Variants in TG observed in about 807,000 individuals in gnomAD.
TG encodes thyroid hormones.
TG carries 270 observed loss-of-function variants against 324.7 expected under a neutral mutation model. The ratio of observed to expected loss-of-function variants is 0.83; its 90% CI spans 0.75 to 0.92. The LOEUF is 0.92. TG is among the 40% of genes least tolerant of loss of function. The pLI is 0.00. For synonymous variants in TG, 1,401 were observed against 1,327.0 expected (o/e 1.06, Z -1.21); for missense variants, 3,591 against 3,456.4 (o/e 1.04, Z -0.98).
intron 37 of TG, among the ~76,000 whole-genome samples, chr8:133,014,947 A>C (rs1280480702): frequency 6.6e-6 from 1 of 152,096 alleles, no homozygotes; most frequent in East Asian, 1.9e-4. Flanking sequence ...GTGCAGTTGC[A>C]CAATCTCGGG....
chr8:132,960,524 C>T (rs927041888), intron 27 of TG, among the ~76,000 whole-genome samples: 1 of 152,170 alleles, frequency 6.6e-6, no homozygotes, highest in African/African-American at 2.4e-5. Context: ...TATTATTAAT[C>T]GGTTGAGTTG....
rs58739514 is a variant in TG at position 133,042,678 on chromosome 8, CTTTTTTTTTTTT to C, written c.7239+12675_7239+12686del. On this transcript the variant is annotated intron_variant, in intron 41 of 47. Transcript: ENST00000220616. ...GTGCACAATTCCTCTCATTCTGTGT[CTTTTTTTTTTTT>C]TTTTTTTTTTTTTTTTTTTGTGAGA... Among the ~76,000 whole-genome samples the C allele has an allele frequency of 1.8e-3, 103 of 56,772 alleles. 2 individuals carry two copies. Among genetic ancestry groups the C allele is most frequent in the South Asian group, 8.4e-3 (14 of 1,676 alleles). The allele number at this position is 56,772 out of a possible 152,430, so 37.2% of individuals were successfully genotyped here. A position where few individuals can be genotyped will look rare whatever the true frequency, so the allele number is the denominator to read the frequency against.
intron 41 of TG, among the ~76,000 whole-genome samples, chr8:133,042,403 G>A (rs539748987): frequency 2.0e-5 from 3 of 152,184 alleles, no homozygotes; most frequent in South Asian, 2.1e-4. Context: ...CCATATTTTA[G>A]AATTCATGTA....
chr8:132,869,867 A>G, intron 3 of TG, 41 bp downstream of exon 3: 1 of 1,576,686 alleles, frequency 6.3e-7, no homozygotes, highest in South Asian at 1.1e-5. Context: ...GGACCCTGCT[A>G]GGACAACTCA....
At chr8:133,034,650 T>C (rs1247007428) in intron 41 of TG, among the ~76,000 whole-genome samples, 1 of 152,104 alleles carries the variant, frequency 6.6e-6, no homozygotes, top group African/African-American at 2.4e-5. Flanking sequence ...AAAAGTTCAT[T>C]TTCTTTTTTC....
chr8:133,056,760 C>G lies in TG; in HGVS notation c.7239+26737C>G, dbSNP rs534022228. Among the ~76,000 whole-genome samples the G allele has an allele frequency of 3.9e-5, 6 of 152,280 alleles. No individual in the cohort carries two copies. In the South Asian group the frequency reaches 8.3e-4, roughly 21 times the overall value. ...AGCACCAAGCGGCTCTAATCATTCC[C>G]GTTTTACAAAGGAGGACAGAGAGAC... On this transcript the variant is annotated intron_variant, in intron 41 of 47. Transcript: ENST00000220616.
intron 11 of TG, among the ~76,000 whole-genome samples, chr8:132,897,398 G>A (rs1326777067): frequency 1.3e-5 from 2 of 152,168 alleles, no homozygotes; most frequent in African/African-American, 2.4e-5. Flanking sequence ...TTTCTGTATG[G>A]AAGTTATTGT....
chr8:132,951,763 A>G (rs903224949), intron 27 of TG, among the ~76,000 whole-genome samples: 1 of 152,230 alleles, frequency 6.6e-6, no homozygotes, highest in South Asian at 2.1e-4. Flanking sequence ...GCAACAGGGC[A>G]CAGATATTTC....
At chr8:132,981,091 C>G (rs1830783329) in intron 34 of TG, among the ~76,000 whole-genome samples, 1 of 152,210 alleles carries the variant, frequency 6.6e-6, no homozygotes, top group African/African-American at 2.4e-5. Flanking sequence ...GGGCTCATCT[C>G]AGTCCTGTAC....
At chr8:132,988,752 G>A (rs1831934416) in intron 35 of TG, 13 of 985,472 alleles carry the variant, frequency 1.3e-5, no homozygotes, top group Non-Finnish European at 1.6e-5. Context: ...GTTAGCTTGA[G>A]TTATCTTCTC....
rs890542419 is a variant in TG, at chr8:132,982,216, T to C, written c.6200-1134T>C. Among the ~76,000 whole-genome samples the C allele has an allele frequency of 2.6e-5, 4 of 152,240 alleles. No individual in the cohort carries two copies. The East Asian group carries it at 7.7e-4, about 29-fold the overall frequency. On this transcript the variant is annotated intron_variant, in intron 34 of 47. Transcript: ENST00000220616. Reference sequence around the variant, plus strand: ...AACTGAGGACAGAGAGGTTGAGTAATTTGCTCAAAGTTACACAGCAGAAAA... The same window carrying C: ...AACTGAGGACAGAGAGGTTGAGTAACTTGCTCAAAGTTACACAGCAGAAAA...
chr8:133,026,582 C>A (rs1345570013), intron 40 of TG, among the ~76,000 whole-genome samples: 1 of 152,158 alleles, frequency 6.6e-6, no homozygotes, highest in African/African-American at 2.4e-5. Flanking sequence ...TCAGACGGGA[C>A]ACAGGAGGAT....
At chr8:132,904,706 T>A (rs1474867921) in intron 16 of TG, among the ~76,000 whole-genome samples, 1 of 152,126 alleles carries the variant, frequency 6.6e-6, no homozygotes, top group Middle Eastern at 3.2e-3. Context: ...CCGAATCAGA[T>A]CACTCACTGG....
At chr8:132,904,215 C>G (rs1307189819) in intron 16 of TG, among the ~76,000 whole-genome samples, 1 of 152,164 alleles carries the variant, frequency 6.6e-6, no homozygotes, top group Non-Finnish European at 1.5e-5. Flanking sequence ...GCCTGGGAGG[C>G]CTTTGGGCAG....
At chr8:132,928,391 G>T (rs1374997738) in intron 22 of TG, among the ~76,000 whole-genome samples, 2 of 152,204 alleles carry the variant, frequency 1.3e-5, no homozygotes, top group African/African-American at 2.4e-5. Context: ...GGCTTGGAAG[G>T]TGAATCTCAT....
chr8:133,125,702 T>C (rs1252490254), intron 45 of TG, among the ~76,000 whole-genome samples: 2 of 152,264 alleles, frequency 1.3e-5, no homozygotes, highest in African/African-American at 4.8e-5. Flanking sequence ...GAGTTCATAG[T>C]TTCCATGGAA....
chr8:133,042,678 C>CTTGTTTTTT (rs1838497259), intron 41 of TG, among the ~76,000 whole-genome samples: 2 of 56,732 alleles, frequency 3.5e-5, no homozygotes, highest in Admixed American at 2.7e-4. Context: ...CATTCTGTGT[C>CTTGTTTTTT]TTTTTTTTTT....
At chr8:132,957,962 C>G (rs1827175568) in intron 27 of TG, among the ~76,000 whole-genome samples, 1 of 152,116 alleles carries the variant, frequency 6.6e-6, no homozygotes, top group African/African-American at 2.4e-5. Flanking sequence ...CTCCAAGTCC[C>G]CAAAGTCCAT....
At chr8:133,116,279 T>G (rs1264552901) in intron 44 of TG, among the ~76,000 whole-genome samples, 1 of 152,260 alleles carries the variant, frequency 6.6e-6, no homozygotes, top group Admixed American at 6.5e-5. Flanking sequence ...AATGTTTTGC[T>G]TCCATGTCTT....
Sources: allele counts gnomAD v4.1 joint callset (sites outside exome capture counted in the v4.1 genomes callset), GRCh38; gene constraint gnomAD v4.1.1; transcripts MANE v1.5; gene names NCBI Gene and HGNC (gene_info 2026-07-23, HGNC 2026-07-21).